Variants in SHROOM4 observed in about 807,000 individuals in gnomAD.
SHROOM4 encodes the protein shroom family member 4.
Under a neutral mutation model 80.3 loss-of-function variants are expected in SHROOM4, and 17 were observed. That is an observed-to-expected ratio of 0.21 (90% CI 0.14 to 0.32). The LOEUF is 0.32. Ranked by LOEUF, SHROOM4 falls within the 10% of genes least tolerant of loss-of-function variation. The pLI, the probability that SHROOM4 is intolerant of heterozygous loss-of-function variation, is 1.00. For synonymous variants in SHROOM4, 400 were observed against 437.5 expected, an observed-to-expected ratio of 0.91 and a Z score of 1.07; for missense variants, 993 against 1,140.3, an observed-to-expected ratio of 0.87 and a Z score of 1.86.
chrX:50,609,665 ATGTGTGTG>A (rs3078713), intron 5 of SHROOM4, among the ~76,000 whole-genome samples: 2 of 88,265 alleles, frequency 2.3e-5, no homozygotes, highest in Non-Finnish European at 4.6e-5. Context: ...AGTCATGGAT[ATGTGTGTG>A]TGTGTGTGTG....
At chrX:50,692,739 A>G (rs782283883) in intron 2 of SHROOM4, among the ~76,000 whole-genome samples, 51 of 111,741 alleles carry the variant, frequency 4.6e-4, no homozygotes, top group African/African-American at 7.1e-4. Context: ...ATCCATGTAC[A>G]TGGGCAGGTA....
chrX:50,795,140 ATATATGATATATAT>A (rs1935972104), intron 1 of SHROOM4, among the ~76,000 whole-genome samples: 1 of 2,493 alleles, frequency 4.0e-4, no homozygotes, highest in Non-Finnish European at 1.4e-3. Flanking sequence ...ATATATATAT[ATATATGATATATAT>A]ATATATATAT....
intron 1 of SHROOM4, among the ~76,000 whole-genome samples, chrX:50,761,641 C>A (rs1416932254): frequency 9.0e-6 from 1 of 111,513 alleles, no homozygotes; most frequent in Non-Finnish European, 1.9e-5. Flanking sequence ...CGGCTTACTG[C>A]AACCTTCACC....
At position 50,588,299 on chromosome X, in the gene SHROOM4, C is replaced by T. The variant is rs868980608; in HGVS notation, c.*8396G>A. ...AGGTAAGGAAAGGAACCATCATCTACGGAGAACCTACCATATGAACAGCTC... is the reference window on the plus strand; with the variant it reads ...AGGTAAGGAAAGGAACCATCATCTATGGAGAACCTACCATATGAACAGCTC... On this transcript the variant is annotated 3_prime_UTR_variant, in exon 9 of 9. Transcript: ENST00000376020. Among the ~76,000 whole-genome samples the T allele has an allele frequency of 9.0e-6, 1 of 111,676 alleles. No homozygotes were observed.
intron 8 of SHROOM4, 50 bp downstream of exon 8, chrX:50,598,216 G>T: frequency 8.3e-7 from 1 of 1,204,258 alleles, no homozygotes; most frequent in Non-Finnish European, 1.1e-6. Flanking sequence ...GCCCTGAGAA[G>T]AAACAAATGG....
rs1341584498 is a variant in SHROOM4 at position 50,591,989 on chromosome X, T to C, written c.*4706A>G. On this transcript the variant is annotated 3_prime_UTR_variant, in exon 9 of 9. Transcript: ENST00000376020. ...GCCTCGGCCTCCCAAAGTGCTGGGA[T>C]TTCAGGCGTGAGCCACCATGCCCGG... is the stretch of plus-strand genomic sequence containing the variant. The C allele has an allele frequency of 6.1e-6, 2 of 327,514 alleles. No homozygotes were observed. The highest frequency in any genetic ancestry group is 5.3e-5 in the African/African-American group (2 of 37,516). The allele number at this position is 327,514 out of a possible 1,213,427, so 27.0% of individuals were successfully genotyped here.
chrX:50,590,164 G>C lies in SHROOM4; in HGVS notation c.*6531C>G, dbSNP rs1343482733. The stretch of plus-strand genomic sequence containing the variant: ...TGGCATATGGAGGTGGGGCCTTTGA[G>C]AGGTAAATTGGTTTAGATGAAGTCA... On this transcript the variant is annotated 3_prime_UTR_variant, in exon 9 of 9. Coordinates refer to ENST00000376020, the MANE Select transcript of SHROOM4 (RefSeq NM_020717.5). 2.7e-5 allele frequency among the ~76,000 whole-genome samples: 3 copies of C among 111,579 alleles called. No individual in the cohort carries two copies. Among genetic ancestry groups the C allele is most frequent in the Non-Finnish European group, 5.6e-5 (3 of 53,117 alleles).
chrX:50,807,608 T>C (rs929943952), intron 1 of SHROOM4, among the ~76,000 whole-genome samples: 37 of 112,158 alleles, frequency 3.3e-4, no homozygotes, highest in Non-Finnish European at 2.3e-4. Context: ...TTCCTTCTTC[T>C]ATTATACAAA....
At position 50,633,573 on chromosome X, in the gene SHROOM4, C is replaced by G; in HGVS notation, c.2500G>C (p.Asp834His). The change falls in exon 4 of 9, where the codon GAC (aspartate) becomes CAC (histidine). Residue 834 changes from aspartate (D) to histidine (H), a missense_variant. Coordinates refer to ENST00000376020, the MANE Select transcript of SHROOM4 (RefSeq NM_020717.5). Reference sequence around the variant, plus strand: ...TGGTCTGTGGCATGATATGGTTGGTCTGCGGAATGATATGATTGGTCCATG... The same window carrying G: ...TGGTCTGTGGCATGATATGGTTGGTGTGCGGAATGATATGATTGGTCCATG... ...HPMDQSYHSADQPYHATDQSY... is the reference protein window; with the variant it reads ...HPMDQSYHSAHQPYHATDQSY... 8.3e-7 allele frequency: 1 copy of G among 1,211,702 alleles called. No homozygotes were observed. The highest frequency in any genetic ancestry group is 1.8e-5 in the South Asian group (1 of 56,958).
intron 1 of SHROOM4, among the ~76,000 whole-genome samples, chrX:50,763,988 A>C (rs1935216621): frequency 8.9e-6 from 1 of 111,735 alleles, no homozygotes; most frequent in Admixed American, 9.5e-5. Context: ...TACATGAACT[A>C]TTAGCTTCCT....
intron 1 of SHROOM4, among the ~76,000 whole-genome samples, chrX:50,735,534 C>T: frequency 9.0e-6 from 1 of 110,560 alleles, no homozygotes; most frequent in Admixed American, 9.6e-5. Flanking sequence ...AGGCAACCCA[C>T]AGAACAGGAG....
intron 2 of SHROOM4, among the ~76,000 whole-genome samples, chrX:50,639,017 G>A (rs1201743983): frequency 8.9e-6 from 1 of 112,757 alleles, no homozygotes; most frequent in Non-Finnish European, 1.9e-5. Flanking sequence ...GAACAAAGTG[G>A]TGAATGCACC....
intron 1 of SHROOM4, among the ~76,000 whole-genome samples, chrX:50,779,115 C>T (rs1935572081): frequency 8.9e-6 from 1 of 111,881 alleles, no homozygotes; most frequent in Non-Finnish European, 1.9e-5. Flanking sequence ...TAGAATTGTT[C>T]CATGACAGAC....
intron 1 of SHROOM4, among the ~76,000 whole-genome samples, chrX:50,752,978 T>C (rs782600865): frequency 8.9e-6 from 1 of 111,856 alleles, no homozygotes; most frequent in East Asian, 2.8e-4. Context: ...CCCTAGACTA[T>C]AGAGAGAGAT....
At chrX:50,780,783 A>C (rs1935609993) in intron 1 of SHROOM4, among the ~76,000 whole-genome samples, 1 of 112,108 alleles carries the variant, frequency 8.9e-6, no homozygotes, top group Non-Finnish European at 1.9e-5. Flanking sequence ...CAAAACTCCC[A>C]ACAGAGTTAT....
At chrX:50,737,095 C>T (rs1934512486) in intron 1 of SHROOM4, among the ~76,000 whole-genome samples, 2 of 111,102 alleles carry the variant, frequency 1.8e-5, no homozygotes, top group East Asian at 5.6e-4. Context: ...ATGAATGGAA[C>T]TATATAAAAG....
chrX:50,741,684 T>A (rs1197127234), intron 1 of SHROOM4, among the ~76,000 whole-genome samples: 1 of 111,302 alleles, frequency 9.0e-6, no homozygotes, highest in Non-Finnish European at 1.9e-5. Flanking sequence ...CACCTTTTCA[T>A]GTGCTTTTGG....
In SHROOM4 at chrX:50,779,725, T is replaced by C. The variant is rs148127986; in HGVS notation, c.117+34177A>G. ...CCTCCAACACTCCTCTCCTGGACAT[T>C]GCTATCTCTGGTTCTTCCTTCCTGC... On this transcript the variant is annotated intron_variant, in intron 1 of 8. Transcript: ENST00000376020. Among the ~76,000 whole-genome samples, 28 of 111,990 alleles carry C rather than the reference T, an allele frequency of 2.5e-4. No individual in the cohort carries two copies. In the East Asian group the frequency reaches 6.8e-3, roughly 27 times the overall value.
At chrX:50,683,032 C>A (rs1425807396) in intron 2 of SHROOM4, among the ~76,000 whole-genome samples, 1 of 111,464 alleles carries the variant, frequency 9.0e-6, no homozygotes, top group East Asian at 2.8e-4. Flanking sequence ...ATGCTGGATG[C>A]TTCCTGCCCT....
Sources: gnomAD v4.1 joint callset for allele counts (sites outside exome capture counted in the v4.1 genomes callset) on GRCh38, gnomAD v4.1.1 for gene constraint, MANE v1.5 for transcripts, NCBI Gene and HGNC (gene_info 2026-07-23, HGNC 2026-07-21) for gene names.